The following GPR137B variants were observed in gnomAD, a reference collection of about 807,000 sequenced individuals.
GPR137B encodes the protein integral membrane protein GPR137B.
A neutral mutation model predicts 42.5 loss-of-function variants in GPR137B; 42 were observed. The ratio of observed to expected loss-of-function variants is 0.99; its 90% CI spans 0.77 to 1.28. The LOEUF is 1.28. Among genes scored for constraint, GPR137B ranks in the 50% most tolerant of loss-of-function variants. The pLI is 0.00. For synonymous variants in GPR137B, 218 were observed against 209.7 expected, an observed-to-expected ratio of 1.04 and a Z score of -0.34; for missense variants, 487 against 493.9, an observed-to-expected ratio of 0.99 and a Z score of 0.13.
intron 6 of GPR137B, among the ~76,000 whole-genome samples, chr1:236,205,474 T>G (rs187788343): frequency 1.6e-4 from 25 of 152,328 alleles, no homozygotes; most frequent in African/African-American, 5.5e-4. Flanking sequence ...CAGTAGTGTT[T>G]CCTAAACAAT....
chr1:236,180,549 T>A (rs66827698), intron 4 of GPR137B, among the ~76,000 whole-genome samples: 11,596 of 152,234 alleles, frequency 0.076, 1,318 homozygotes, highest in African/African-American at 0.25. Context: ...GATTACATAT[T>A]TGTGTGTATG....
intron 4 of GPR137B, among the ~76,000 whole-genome samples, chr1:236,182,511 G>T (rs565386336): frequency 6.6e-6 from 1 of 152,040 alleles, no homozygotes; most frequent in South Asian, 2.1e-4. Flanking sequence ...ATTTTGGGAG[G>T]ATCACTTGAG....
Position 236,183,811 on chromosome 1 carries a change from T to C in GPR137B, c.871T>C (p.Tyr291His). ...GAAGAATCAGCTGGGAGATGCTGGATACGTATTATTTGGAGTGGTGTTATT... is the reference window on the plus strand; with the variant it reads ...GAAGAATCAGCTGGGAGATGCTGGACACGTATTATTTGGAGTGGTGTTATT... ...DLKNQLGDAG[Y>H]VLFGVVLFVW... is the part of the protein sequence containing the mutation. Residue 291 changes from tyrosine (Y) to histidine (H), a missense_variant, in exon 5 of 7, where the codon TAC (tyrosine) becomes CAC (histidine). Physicochemically the swap from Tyr to His is moderately conservative, Grantham distance 83. Transcript: ENST00000366592. 6.2e-7 allele frequency: 1 copy of C among 1,606,178 alleles called. No individual in the cohort carries two copies. The highest frequency in any genetic ancestry group is 8.5e-7 in the Non-Finnish European group (1 of 1,172,934).
chr1:236,186,886 A>G (rs780081371), intron 5 of GPR137B, among the ~76,000 whole-genome samples: 3 of 152,178 alleles, frequency 2.0e-5, no homozygotes, highest in Non-Finnish European at 4.4e-5. Context: ...TGCTGGGTCA[A>G]ATGGTATTTC....
Position 236,178,494 on chromosome 1 carries a change from C to T in GPR137B, c.545C>T (p.Thr182Met), listed in dbSNP as rs147078955. The change falls in exon 3 of 7, where the codon ACG (threonine) becomes ATG (methionine). Residue 182 changes from threonine (T) to methionine (M), a missense_variant. Thr to Met is a moderately conservative substitution (Grantham distance 81). Coordinates refer to ENST00000366592, the MANE Select transcript of GPR137B (RefSeq NM_003272.4). ...TTAACCTGTGCTGTGCTGGTAAAGACGGGAAATTGGGAGAGGAAGGTTATC... is the reference window on the plus strand; with the variant it reads ...TTAACCTGTGCTGTGCTGGTAAAGATGGGAAATTGGGAGAGGAAGGTTATC... ...VNLTCAVLVK[T>M]GNWERKVIVS... 58 of 1,613,712 alleles carry T rather than the reference C, an allele frequency of 3.6e-5. No individual in the cohort carries two copies. The African/African-American group carries it at 5.9e-4, about 16-fold the overall frequency.
intron 5 of GPR137B, among the ~76,000 whole-genome samples, chr1:236,184,833 C>G (rs572702570): frequency 6.6e-6 from 1 of 152,164 alleles, no homozygotes; most frequent in Admixed American, 6.5e-5. Flanking sequence ...GTGGCGCGAT[C>G]TCAGCTCACT....
At chr1:236,181,283 A>G (rs989077792) in intron 4 of GPR137B, among the ~76,000 whole-genome samples, 1 of 152,232 alleles carries the variant, frequency 6.6e-6, no homozygotes, top group African/African-American at 2.4e-5. Context: ...ATGCTCACAA[A>G]AACTCAAAGC....
Position 236,183,924 on chromosome 1 carries a change from CA to C in GPR137B, c.966+19del, listed in dbSNP as rs747513809. 6.4e-7 allele frequency: 1 copy of C among 1,570,892 alleles called. No individual in the cohort carries two copies. The highest frequency in any genetic ancestry group is 1.1e-5 in the South Asian group (1 of 88,806). ...AGGACCTTGTAAGTAAACCATTTTA[CA>C]TTTGTAAGAAAATGTCTCCTAATTC... On this transcript the variant is annotated intron_variant, in intron 5 of 6. Coordinates refer to ENST00000366592, the MANE Select transcript of GPR137B (RefSeq NM_003272.4).
At chr1:236,181,901 T>TTTTTTTTTTC in intron 4 of GPR137B, among the ~76,000 whole-genome samples, 1 of 118,238 alleles carries the variant, frequency 8.5e-6, no homozygotes, top group East Asian at 2.9e-4. Flanking sequence ...CTATTTTTTT[T>TTTTTTTTTTC]TTTTTTTTTT....
rs1662053557 is a variant in GPR137B at position 236,157,082 on chromosome 1, A to C, written c.415-11624A>C. Among the ~76,000 whole-genome samples the C allele has an allele frequency of 2.0e-5, 3 of 152,086 alleles. 1 individual carries two copies. The South Asian group carries it at 6.2e-4, about 32-fold the overall frequency. The stretch of plus-strand genomic sequence containing the variant: ...TATTAATTCACCAAATGCTTAGGAA[A>C]ACCTGGTGGCTGGTGTTATTAGTCT... On this transcript the variant is annotated intron_variant, in intron 1 of 6. Coordinates refer to ENST00000366592, the MANE Select transcript of GPR137B (RefSeq NM_003272.4).
chr1:236,189,272 C>A (rs1663120628), intron 5 of GPR137B, among the ~76,000 whole-genome samples: 1 of 152,146 alleles, frequency 6.6e-6, no homozygotes, highest in Non-Finnish European at 1.5e-5. Flanking sequence ...AAAAAACCAG[C>A]TCCTGGATTC....
intron 1 of GPR137B, among the ~76,000 whole-genome samples, chr1:236,163,018 A>G (rs1342834385): frequency 6.6e-6 from 1 of 152,110 alleles, no homozygotes; most frequent in Non-Finnish European, 1.5e-5. Context: ...GACACTCAAC[A>G]CCAGCCCGTG....
At chr1:236,194,620 T>G (rs1663287185) in intron 5 of GPR137B, among the ~76,000 whole-genome samples, 1 of 152,198 alleles carries the variant, frequency 6.6e-6, no homozygotes, top group African/African-American at 2.4e-5. Context: ...GTGTACCATA[T>G]AATCTAGTTC....
intron 4 of GPR137B, among the ~76,000 whole-genome samples, chr1:236,181,893 A>ATTTTAACCTT (rs10680855): frequency 0.025 from 3,073 of 121,214 alleles, 420 homozygotes; most frequent in African/African-American, 0.097. Context: ...AATATTTGCT[A>ATTTTAACCTT]TTTTTTTTTT....
chr1:236,166,513 TAC>T (rs1430319513), intron 1 of GPR137B, among the ~76,000 whole-genome samples: 1 of 142,308 alleles, frequency 7.0e-6, no homozygotes, highest in Non-Finnish European at 1.5e-5. Flanking sequence ...TTTATATATA[TAC>T]ATTATATATA....
rs192594429 is a variant in GPR137B at position 236,178,860 on chromosome 1, T to C, written c.687+224T>C. Among the ~76,000 whole-genome samples the C allele has an allele frequency of 1.0e-4, 13 of 128,640 alleles. No homozygotes were observed. The Admixed American group carries it at 1.1e-3, about 11-fold the overall frequency. The allele number at this position is 128,640 out of a possible 152,430, so 84.4% of individuals were successfully genotyped here. On this transcript the variant is annotated intron_variant, in intron 3 of 6. Transcript: ENST00000366592. ...TCTCCCAGGCTGGAGTGCAGTGGGGTGATCTCGGCTCACTGCAAGCTCCGC... is the reference window on the plus strand; with the variant it reads ...TCTCCCAGGCTGGAGTGCAGTGGGGCGATCTCGGCTCACTGCAAGCTCCGC...
At chr1:236,181,576 A>G (rs1571991903) in intron 4 of GPR137B, among the ~76,000 whole-genome samples, 1 of 152,220 alleles carries the variant, frequency 6.6e-6, no homozygotes, top group East Asian at 1.9e-4. Context: ...ATCTTCTAAC[A>G]TCTCAATAGT....
rs987122539 is a variant in GPR137B at position 236,205,197 on chromosome 1, T to C, written c.1038T>C (p.Tyr346=). ...RSYFFDNPRR[Y]DSDDDLAWNI... ...ATTTCTTTGACAACCCTCGAAGATA[T>C]GACAGTGATGATGACCTTGCCTGGA... The change falls in exon 6 of 7, where the codon TAT becomes TAC. Residue 346 remains tyrosine (Y), a synonymous_variant. Coordinates refer to ENST00000366592, the MANE Select transcript of GPR137B (RefSeq NM_003272.4). 12 of 1,612,948 alleles carry C rather than the reference T, an allele frequency of 7.4e-6. No individual in the cohort carries two copies. The highest frequency in any genetic ancestry group is 1.0e-5 in the Non-Finnish European group (12 of 1,179,064).
At chr1:236,190,148 C>CTTTTT (rs34520510) in intron 5 of GPR137B, among the ~76,000 whole-genome samples, 8 of 119,416 alleles carry the variant, frequency 6.7e-5, no homozygotes, top group South Asian at 2.6e-4. Context: ...CCTGCTTCTT[C>CTTTTT]TTTTTTTTTT....
Sources: allele counts gnomAD v4.1 joint callset (sites outside exome capture counted in the v4.1 genomes callset), GRCh38; gene constraint gnomAD v4.1.1; transcripts MANE v1.5; gene names NCBI Gene and HGNC (gene_info 2026-07-23, HGNC 2026-07-21).